Variants in GPATCH2 observed in about 807,000 individuals in gnomAD.
GPATCH2 encodes the protein G patch domain-containing protein 2.
GPATCH2 carries 51 observed loss-of-function variants against 58.0 expected under a neutral mutation model. The observed-to-expected ratio is 0.88, with a 90% CI of 0.70 to 1.11. The LOEUF is 1.11. GPATCH2 is among the 50% of genes most tolerant of loss of function. GPATCH2 has a pLI of 0.00. For missense variants in GPATCH2, 625 were observed against 652.2 expected (o/e 0.96, Z 0.45); for synonymous variants, 222 against 218.5 (o/e 1.02, Z -0.14).
intron 7 of GPATCH2, among the ~76,000 whole-genome samples, chr1:217,496,147 G>T (rs1025743535): frequency 6.6e-6 from 1 of 152,142 alleles, no homozygotes; most frequent in Non-Finnish European, 1.5e-5. Flanking sequence ...GTTGAACTAA[G>T]AAATTATTAT....
intron 5 of GPATCH2, among the ~76,000 whole-genome samples, chr1:217,535,411 G>A (rs968460404): frequency 1.3e-5 from 2 of 152,098 alleles, no homozygotes; most frequent in Non-Finnish European, 2.9e-5. Context: ...GGGCAGTGGC[G>A]TGAGCCCAGC....
rs192554284 is a variant in GPATCH2, at chr1:217,516,867, T to G, written c.1099-1978A>C. On this transcript the variant is annotated intron_variant, in intron 5 of 9. Transcript: ENST00000366935. ...TCAGGACTAAAATTGTTTGTTTACC[T>G]GAAGCTATACTTATGGAAAAATGTT... 2.5e-3 allele frequency among the ~76,000 whole-genome samples: 385 copies of G among 152,372 alleles called. 7 individuals are homozygous for G. The highest frequency in any genetic ancestry group is 0.023 in the Admixed American group (350 of 15,300).
intron 6 of GPATCH2, among the ~76,000 whole-genome samples, chr1:217,513,827 T>C (rs1662977581): frequency 6.8e-6 from 1 of 146,240 alleles, no homozygotes; most frequent in South Asian, 2.1e-4. Flanking sequence ...AAACCAGTCT[T>C]TTTTTTTTTT....
At chr1:217,622,187 C>T (rs1380641133) in intron 1 of GPATCH2, among the ~76,000 whole-genome samples, 1 of 152,086 alleles carries the variant, frequency 6.6e-6, no homozygotes, top group East Asian at 1.9e-4. Context: ...CCAAATGACT[C>T]GTAGGTAGCT....
chr1:217,558,419 T>C (rs1413800908), intron 5 of GPATCH2, among the ~76,000 whole-genome samples: 8 of 152,134 alleles, frequency 5.3e-5, no homozygotes, highest in African/African-American at 1.9e-4. Flanking sequence ...ACACGGAAGG[T>C]ACAAATTTCA....
chr1:217,515,280 T>C (rs1366041211), intron 5 of GPATCH2, among the ~76,000 whole-genome samples: 3 of 151,994 alleles, frequency 2.0e-5, no homozygotes, highest in Non-Finnish European at 4.4e-5. Context: ...GTATTTTTAG[T>C]AGAGACGGGG....
chr1:217,485,731 T>C (rs983486106), intron 8 of GPATCH2, among the ~76,000 whole-genome samples: 5 of 152,186 alleles, frequency 3.3e-5, no homozygotes, highest in Non-Finnish European at 7.3e-5. Flanking sequence ...CTATTGCTTC[T>C]AGGGTACAAA....
intron 6 of GPATCH2, among the ~76,000 whole-genome samples, chr1:217,506,465 G>A (rs1186615373): frequency 1.3e-5 from 2 of 152,140 alleles, no homozygotes; most frequent in African/African-American, 2.4e-5. Context: ...AAAAATTAGG[G>A]CAAGATGACA....
intron 5 of GPATCH2, among the ~76,000 whole-genome samples, chr1:217,548,303 TG>T (rs1330742859): frequency 6.6e-6 from 1 of 151,984 alleles, no homozygotes; most frequent in Non-Finnish European, 1.5e-5. Flanking sequence ...AAAAAACCAA[TG>T]GGTACTAGAT....
At chr1:217,485,543 T>C (rs1661418035) in intron 8 of GPATCH2, among the ~76,000 whole-genome samples, 2 of 152,086 alleles carry the variant, frequency 1.3e-5, no homozygotes, top group South Asian at 4.1e-4. Flanking sequence ...CCACTGACTT[T>C]GTAAATTGGT....
At chr1:217,597,442 G>T (rs545304932) in intron 5 of GPATCH2, among the ~76,000 whole-genome samples, 1 of 152,122 alleles carries the variant, frequency 6.6e-6, no homozygotes, top group South Asian at 2.1e-4. Flanking sequence ...TGGGGAGAGG[G>T]TGGCAATAAA....
At chr1:217,543,393 C>T (rs569275795) in intron 5 of GPATCH2, among the ~76,000 whole-genome samples, 176 of 151,964 alleles carry the variant, frequency 1.2e-3, no homozygotes, top group African/African-American at 3.8e-3. Flanking sequence ...CCTCAGCCTC[C>T]CGAGTAGCTG....
chr1:217,519,138 T>C (rs1418006010), intron 5 of GPATCH2, among the ~76,000 whole-genome samples: 1 of 152,226 alleles, frequency 6.6e-6, no homozygotes, highest in African/African-American at 2.4e-5. Flanking sequence ...TTATCTCTTA[T>C]CCCCATACAG....
chr1:217,579,195 C>T (rs548289264), intron 5 of GPATCH2, among the ~76,000 whole-genome samples: 50 of 151,814 alleles, frequency 3.3e-4, no homozygotes, highest in African/African-American at 1.2e-3. Flanking sequence ...AAATAAAATC[C>T]AAACAATGAT....
intron 8 of GPATCH2, among the ~76,000 whole-genome samples, chr1:217,460,813 C>T (rs1660167565): frequency 6.6e-6 from 1 of 152,178 alleles, no homozygotes; most frequent in African/African-American, 2.4e-5. Flanking sequence ...TCTCTATAGA[C>T]ACAATTCTGG....
In GPATCH2 at chr1:217,630,815, C is replaced by G. The variant is rs113051740; in HGVS notation, c.56+101G>C. ...CAAGGCCTAGATGTCTTCAGATCATCCATCACAGCTCCCTCCCGCCTCCAT... is the reference window on the plus strand; with the variant it reads ...CAAGGCCTAGATGTCTTCAGATCATGCATCACAGCTCCCTCCCGCCTCCAT... On this transcript the variant is annotated intron_variant, in intron 1 of 9. Transcript: ENST00000366935. 1.3e-4 allele frequency: 103 copies of G among 812,602 alleles called. 2 individuals carry two copies. The highest frequency in any genetic ancestry group is 1.2e-3 in the African/African-American group (69 of 58,990). 50.3% of individuals were successfully genotyped at this position (812,602 alleles called of 1,614,324 possible). A position where few individuals can be genotyped will look rare whatever the true frequency, so the allele number is the denominator to read the frequency against.
chr1:217,550,940 T>G (rs931031579), intron 5 of GPATCH2, among the ~76,000 whole-genome samples: 1 of 151,728 alleles, frequency 6.6e-6, no homozygotes, highest in South Asian at 2.1e-4. Flanking sequence ...GTAAGTCTAA[T>G]TACATAGCAT....
intron 1 of GPATCH2, among the ~76,000 whole-genome samples, chr1:217,630,589 C>T (rs1483395027): frequency 6.6e-6 from 1 of 152,012 alleles, no homozygotes; most frequent in Non-Finnish European, 1.5e-5. Context: ...GGAATAAGGC[C>T]CGGATTAAGA....
intron 9 of GPATCH2, among the ~76,000 whole-genome samples, chr1:217,435,269 G>A (rs547291564): frequency 3.9e-5 from 6 of 152,242 alleles, no homozygotes; most frequent in Middle Eastern, 3.4e-3. Flanking sequence ...GCCTGCTTCC[G>A]CTCCCAGCCT....
Sources: gnomAD v4.1 joint callset for allele counts (sites outside exome capture counted in the v4.1 genomes callset) on GRCh38, gnomAD v4.1.1 for gene constraint, MANE v1.5 for transcripts, NCBI Gene and HGNC (gene_info 2026-07-23, HGNC 2026-07-21) for gene names.